Variants in GAB1 observed in about 807,000 individuals in gnomAD.
GAB1 encodes GRB2-associated-binding protein 1.
In GAB1, 19 loss-of-function variants were observed where a neutral mutation model predicts 66.5. The ratio of observed to expected loss-of-function variants is 0.29; its 90% CI spans 0.20 to 0.42. The LOEUF (loss-of-function observed/expected upper bound fraction) is 0.42, where lower values mean the gene tolerates loss of function less well. GAB1 is among the 10% of genes least tolerant of loss of function. The pLI is 1.00. For synonymous variants in GAB1, 294 were observed against 301.4 expected, an observed-to-expected ratio of 0.98 and a Z score of 0.25; for missense variants, 732 against 858.5, an observed-to-expected ratio of 0.85 and a Z score of 1.84.
At position 143,471,303 on chromosome 4, in the gene GAB1, A is replaced by T. The variant is rs1736069963; in HGVS notation, c.*2114A>T. ...GAAAATTTTTCATTCTGAATAATTT[A>T]AAAATGGTGATGTATTAGAAAGGCA... On this transcript the variant is annotated 3_prime_UTR_variant, in exon 10 of 10. Transcript: ENST00000262994. 6.6e-6 allele frequency: 1 copy of T among 152,208 alleles called. No homozygotes were observed. The highest frequency in any genetic ancestry group is 1.5e-5 in the Non-Finnish European group (1 of 68,016). The allele number at this position is 152,208 out of a possible 1,614,324, so 9.4% of individuals were successfully genotyped here.
intron 6 of GAB1, among the ~76,000 whole-genome samples, chr4:143,452,588 T>C (rs1734982221): frequency 6.6e-6 from 1 of 152,202 alleles, no homozygotes; most frequent in South Asian, 2.1e-4. Context: ...TTAAATGACA[T>C]TGGGCAAATC....
chr4:143,441,087 A>T (rs914307869), intron 6 of GAB1, among the ~76,000 whole-genome samples: 2 of 151,428 alleles, frequency 1.3e-5, no homozygotes, highest in African/African-American at 4.8e-5. Flanking sequence ...CTAGTCTGTC[A>T]TTTTTTTTTC....
intron 1 of GAB1, chr4:143,350,161 T>G: frequency 1.3e-6 from 1 of 744,780 alleles, no homozygotes; most frequent in South Asian, 1.7e-5. Flanking sequence ...AAAGAAAATA[T>G]TAAGACACTT....
intron 2 of GAB1, among the ~76,000 whole-genome samples, chr4:143,426,934 C>T (rs1382220619): frequency 2.6e-5 from 4 of 152,070 alleles, no homozygotes; most frequent in African/African-American, 9.7e-5. Context: ...ATTAACAAGC[C>T]AAATGAAATG....
intron 1 of GAB1, among the ~76,000 whole-genome samples, chr4:143,373,887 T>TATATATATATATATATATATATATATATA (rs1560726049): frequency 2.3e-4 from 23 of 98,248 alleles, no homozygotes; most frequent in East Asian, 5.4e-4. Context: ...ATATATATAT[T>TATATATATATATATATATATATATATATA]TTTACCTTTC....
At chr4:143,401,549 TCATGAAATG>T (rs558679215) in intron 1 of GAB1, among the ~76,000 whole-genome samples, 84 of 152,322 alleles carry the variant, frequency 5.5e-4, no homozygotes, top group Middle Eastern at 6.8e-3. Context: ...GTTTTTATAA[TCATGAAATG>T]CATTTTCTTT....
At chr4:143,415,163 A>G (rs973602288) in intron 1 of GAB1, among the ~76,000 whole-genome samples, 1 of 152,194 alleles carries the variant, frequency 6.6e-6, no homozygotes, top group Non-Finnish European at 1.5e-5. Flanking sequence ...TCCTAACACC[A>G]TTTGTTGAAA....
chr4:143,349,274 C>G, intron 1 of GAB1: 1 of 1,053,390 alleles, frequency 9.5e-7, no homozygotes, highest in Non-Finnish European at 1.4e-6. Flanking sequence ...GTATAAAAAC[C>G]CTACGTTGTA....
At chr4:143,349,045 C>T (rs771631224) in intron 1 of GAB1, among the ~76,000 whole-genome samples, 2 of 152,188 alleles carry the variant, frequency 1.3e-5, no homozygotes, top group Non-Finnish European at 2.9e-5. Context: ...CTGTTATTCT[C>T]ATAGCATAGC....
intron 1 of GAB1, among the ~76,000 whole-genome samples, chr4:143,413,828 T>C (rs1732526858): frequency 7.5e-6 from 1 of 133,064 alleles, no homozygotes; most frequent in African/African-American, 3.1e-5. Flanking sequence ...GCTGCCCTTT[T>C]TTTTTTTTTT....
rs1736180647 is a variant in GAB1 at position 143,474,041 on chromosome 4, T to A, written c.*4852T>A. ...CTGTTAGAATTTTTTGGAGACTAACTTGCCAATTCTGTGAATGTTATTGAA... is the reference window on the plus strand; with the variant it reads ...CTGTTAGAATTTTTTGGAGACTAACATGCCAATTCTGTGAATGTTATTGAA... On this transcript the variant is annotated 3_prime_UTR_variant, in exon 10 of 10. Transcript: ENST00000262994. The A allele has an allele frequency of 6.6e-6, 1 of 152,218 alleles. No individual in the cohort carries two copies. The highest frequency in any genetic ancestry group is 1.5e-5 in the Non-Finnish European group (1 of 68,038). The allele number at this position is 152,218 out of a possible 1,614,324, so 9.4% of individuals were successfully genotyped here.
chr4:143,347,735 A>G (rs62337513), intron 1 of GAB1, among the ~76,000 whole-genome samples: 6,078 of 152,340 alleles, frequency 0.04, 129 homozygotes, highest in Non-Finnish European at 0.042. Flanking sequence ...TGGTAGAAGA[A>G]TCCAGCAGAG....
chr4:143,341,994 G>A (rs897412189), intron 1 of GAB1, among the ~76,000 whole-genome samples: 5 of 152,182 alleles, frequency 3.3e-5, no homozygotes, highest in African/African-American at 1.2e-4. Flanking sequence ...TTCTATTGAA[G>A]GAAATTTTTT....
intron 1 of GAB1, among the ~76,000 whole-genome samples, chr4:143,378,522 G>A (rs1730510221): frequency 6.6e-6 from 1 of 151,968 alleles, no homozygotes; most frequent in South Asian, 2.1e-4. Context: ...GCAACAATTA[G>A]TAAGGTCCTA....
Position 143,387,747 on chromosome 4 carries a change from G to C in GAB1, c.73-27730G>C, listed in dbSNP as rs917777934. 3.3e-5 allele frequency among the ~76,000 whole-genome samples: 5 copies of C among 152,144 alleles called. No homozygotes were observed. The East Asian group carries it at 9.7e-4, about 29-fold the overall frequency. ...TCCTCTAAGTGTGGCTCTTATATTA[G>C]TCCCATCTCAAGAACTTCCAAGGAG... On this transcript the variant is annotated intron_variant, in intron 1 of 9. Coordinates refer to ENST00000262994, the MANE Select transcript of GAB1 (RefSeq NM_002039.4).
intron 2 of GAB1, among the ~76,000 whole-genome samples, chr4:143,417,933 A>G (rs1296081266): frequency 2.0e-5 from 3 of 152,232 alleles, no homozygotes; most frequent in African/African-American, 7.2e-5. Context: ...TGTAGATACC[A>G]TAAGGAGTGG....
At chr4:143,462,309 C>T (rs1351649826) in intron 8 of GAB1, among the ~76,000 whole-genome samples, 2 of 151,942 alleles carry the variant, frequency 1.3e-5, no homozygotes, top group East Asian at 1.9e-4. Context: ...CCTAAATTCT[C>T]GGTCAGAGTA....
At chr4:143,343,334 A>G (rs1728885120) in intron 1 of GAB1, 1 of 152,778 alleles carries the variant, frequency 6.5e-6, no homozygotes, top group East Asian at 1.9e-4. Context: ...TAAATAGTTT[A>G]GTGACTGCTT....
chr4:143,378,916 G>A (rs1214052749), intron 1 of GAB1, among the ~76,000 whole-genome samples: 1 of 152,148 alleles, frequency 6.6e-6, no homozygotes, highest in East Asian at 1.9e-4. Context: ...AACAGGGGCA[G>A]CCTCTCTGGA....
Sources: gnomAD v4.1 joint callset for allele counts (sites outside exome capture counted in the v4.1 genomes callset) on GRCh38, gnomAD v4.1.1 for gene constraint, MANE v1.5 for transcripts, NCBI Gene and HGNC (gene_info 2026-07-23, HGNC 2026-07-21) for gene names.